Variants in CLN3 observed in about 807,000 individuals in gnomAD.
The protein encoded by CLN3 is battenin.
In CLN3, 49 loss-of-function variants were observed where a neutral mutation model predicts 60.7. That is an observed-to-expected ratio of 0.81 (90% confidence interval 0.64 to 1.02). The LOEUF is 1.02. Among genes scored for constraint, CLN3 ranks in the 50% least tolerant of loss-of-function variants. The pLI is 0.00. For missense variants in CLN3, 516 were observed against 557.4 expected, an observed-to-expected ratio of 0.93 and a Z score of 0.75; for synonymous variants, 256 against 245.8, an observed-to-expected ratio of 1.04 and a Z score of -0.39.
At chr16:28,486,680 ACAC>A in intron 7 of CLN3, 30 bp from the exon 8 acceptor site, 1 of 1,585,786 alleles carries the variant, frequency 6.3e-7, no homozygotes. Flanking sequence ...TGGGATGGTC[ACAC>A]CACACCTTGC....
At chr16:28,475,396 T>C (rs1442153907), downstream of CLN3, 1 of 152,298 alleles carries the variant, frequency 6.6e-6, no homozygotes, top group Non-Finnish European at 1.5e-5. Flanking sequence ...CATGATCTCA[T>C]GTAGTTTCCA....
At position 28,482,440 on chromosome 16, in the gene CLN3, C is replaced by T. The variant is rs777294509; in HGVS notation, c.906+37G>A. On this transcript the variant is annotated intron_variant, in intron 12 of 15. Coordinates refer to ENST00000636147, the MANE Select transcript of CLN3 (RefSeq NM_001042432.2). ...GGGCTGTGTGGGTCCCAGCCCCAAT[C>T]GCCACCTCCACACCCCTCCTAGCAC... 1.7e-5 allele frequency: 28 copies of T among 1,613,688 alleles called. 1 individual carries two copies. The highest frequency in any genetic ancestry group is 3.3e-4 in the Middle Eastern group (2 of 6,062).
intron 2 of CLN3, 61 bp downstream of exon 2, chr16:28,491,635 GCCGAGTCAGCTCTCATTC>G (rs1246696198): frequency 6.2e-7 from 1 of 1,613,662 alleles, no homozygotes; most frequent in East Asian, 2.2e-5. Context: ...TCCTCCCGGG[GCCGAGTCAGCTCTCATTC>G]CCCTCAGGTG....
chr16:28,486,942 G>A (rs185911781), intron 7 of CLN3: 2 of 449,840 alleles, frequency 4.4e-6, no homozygotes, highest in South Asian at 4.2e-5. Flanking sequence ...ACGGAGTCTC[G>A]CCCTGTCACC....
At chr16:28,491,670 G>C in intron 2 of CLN3, 44 bp downstream of exon 2, 2 of 1,614,070 alleles carry the variant, frequency 1.2e-6, no homozygotes, top group South Asian at 1.1e-5. Context: ...GGTGGGCTGC[G>C]AGCCAGAGGT....
rs1442410160 is a variant in CLN3 at position 28,490,458 on chromosome 16, ATT to A, written c.125+1022_125+1023del. On this transcript the variant is annotated intron_variant, in intron 3 of 15. Coordinates refer to ENST00000636147, the MANE Select transcript of CLN3 (RefSeq NM_001042432.2). ...GACTCTGTCTCAAAAATAAAATAAAATTAAAAAAAAAAAAAAAAAAAGCTGGG... is the reference window on the plus strand; with the variant it reads ...GACTCTGTCTCAAAAATAAAATAAAAAAAAAAAAAAAAAAAAAAAGCTGGG... The A allele has an allele frequency of 9.4e-4, 112 of 119,292 alleles. 1 individual carries two copies. Among genetic ancestry groups the A allele is most frequent in the Middle Eastern group, 4.5e-3 (1 of 224 alleles). 7.4% of individuals were successfully genotyped at this position (119,292 alleles called of 1,614,324 possible). A position where few individuals can be genotyped will look rare whatever the true frequency, so the allele number is the denominator to read the frequency against.
downstream of CLN3, among the ~76,000 whole-genome samples, chr16:28,473,628 C>CA (rs2045969349): frequency 6.6e-6 from 1 of 152,058 alleles, no homozygotes; most frequent in South Asian, 2.1e-4. Context: ...AAGACAATAT[C>CA]AAAAAAGTAA....
At position 28,480,006 on chromosome 16, in the gene CLN3, G is replaced by A. The variant is rs143671913; in HGVS notation, c.1056+2099C>T. On this transcript the variant is annotated intron_variant, in intron 14 of 15. Transcript: ENST00000636147. ...TTTTTTGAGATAGGGTCTCACCCAG[G>A]CTGGGGTACAGTGGCATGATTATGG... is the stretch of plus-strand genomic sequence containing the variant. 2.0e-3 allele frequency among the ~76,000 whole-genome samples: 309 copies of A among 152,124 alleles called. 1 individual carries two copies. The highest frequency in any genetic ancestry group is 6.9e-3 in the African/African-American group (287 of 41,512).
At chr16:28,468,730 C>A in the CLN3 span, among the ~76,000 whole-genome samples, 1 of 127,956 alleles carries the variant, frequency 7.8e-6, no homozygotes, top group African/African-American at 2.6e-5. Context: ...TCACTTGAAC[C>A]CAGGAGGCAG....
intron 6 of CLN3, 27 bp downstream of exon 6, chr16:28,487,635 C>T (rs2046243195): frequency 6.2e-7 from 1 of 1,608,114 alleles, no homozygotes; most frequent in Non-Finnish European, 8.5e-7. Context: ...TCCTGCCCAC[C>T]CTGCCTCCCA....
chr16:28,477,817 G>A lies in CLN3; in HGVS notation c.1117C>T (p.Leu373Phe), dbSNP rs752700529. The change falls in exon 15 of 16, where the codon CTC becomes TTC. Residue 373 changes from leucine (L) to phenylalanine (F), a missense_variant. By Grantham distance (22) the Leu-to-Phe change is conservative. Coordinates refer to ENST00000636147, the MANE Select transcript of CLN3 (RefSeq NM_001042432.2). ...VWFGFLPSIYLVFLIILYEGL... is the reference protein window; with the variant it reads ...VWFGFLPSIYFVFLIILYEGL... ...TCATACAGAATGATCAGGAAGACGA[G>A]GTAGATGCTTGGCAGAAAGCCGAAC... The A allele has an allele frequency of 9.3e-6, 15 of 1,614,186 alleles. No homozygotes were observed. The South Asian group carries it at 1.6e-4, about 18-fold the overall frequency.
chr16:28,481,014 A>G (rs2046080664), intron 14 of CLN3, among the ~76,000 whole-genome samples: 1 of 152,184 alleles, frequency 6.6e-6, no homozygotes, highest in African/African-American at 2.4e-5. Context: ...AGTTAGAAAC[A>G]TTATTTGAAA....
At chr16:28,487,565 A>G in intron 6 of CLN3, 24 bp from the exon 7 acceptor site, 2 of 1,605,052 alleles carry the variant, frequency 1.2e-6, no homozygotes, top group Non-Finnish European at 1.7e-6. Flanking sequence ...AAGGGAAGGG[A>G]GGGGGAAGGT....
At position 28,486,448 on chromosome 16, in the gene CLN3, C is replaced by T. The variant is rs566516380; in HGVS notation, c.576G>A (p.Gly192=). ...SWWSSGTGGA[G]LLGALSYLGL... ...CCAGGTAGGACAGGGCCCCCAGCAG[C>T]CCAGCTCCCCCAGTCCCTGAGGACC... The change falls in exon 9 of 16, where the codon GGG becomes GGA. Residue 192 remains glycine (G), a synonymous_variant. Transcript: ENST00000636147. 1.7e-5 allele frequency: 27 copies of T among 1,613,154 alleles called. 1 individual carries two copies. The highest frequency in any genetic ancestry group is 2.2e-5 in the Non-Finnish European group (26 of 1,179,802).
At position 28,487,718 on chromosome 16, in the gene CLN3, G is replaced by A. The variant is rs148248159; in HGVS notation, c.318C>T (p.Leu106=). 330 of 1,613,784 alleles carry A rather than the reference G, an allele frequency of 2.0e-4. 1 individual carries two copies. The African/African-American group carries it at 3.5e-3, about 17-fold the overall frequency. Residue 106 remains leucine (L), a synonymous_variant, in exon 6 of 16, where the codon CTC becomes CTT. Coordinates refer to ENST00000636147, the MANE Select transcript of CLN3 (RefSeq NM_001042432.2). Reference sequence around the variant, plus strand: ...CCAACAATTTGATGACGAGTGTGGGGAGGATGTCCGCCAGGAGCACAGCCT... The same window carrying A: ...CCAACAATTTGATGACGAGTGTGGGAAGGATGTCCGCCAGGAGCACAGCCT... The part of the protein sequence containing the change: ...STAAVLLADI[L]PTLVIKLLAP...
chr16:28,491,662 T>A (rs1225322827), intron 2 of CLN3, 52 bp downstream of exon 2: 2 of 1,613,808 alleles, frequency 1.2e-6, no homozygotes, highest in Admixed American at 1.7e-5. Flanking sequence ...TCCCCTCAGG[T>A]GGGCTGCGAG....
intron 7 of CLN3, 109 bp downstream of exon 7, chr16:28,487,347 G>A: frequency 1.1e-6 from 1 of 911,320 alleles, no homozygotes; most frequent in Non-Finnish European, 1.8e-6. Context: ...AGGCTTCTAA[G>A]GGTGACAGAA....
chr16:28,489,430 G>T, intron 3 of CLN3, 44 bp from the exon 4 acceptor site: 1 of 1,381,346 alleles, frequency 7.2e-7, no homozygotes, highest in Non-Finnish European at 1.0e-6. Flanking sequence ...TCATCCTGCA[G>T]CCATCTGTAG....
chr16:28,484,376 T>C, intron 9 of CLN3: 1 of 466,434 alleles, frequency 2.1e-6, no homozygotes, highest in Non-Finnish European at 3.9e-6. Flanking sequence ...AGAGACAGGG[T>C]CTTTCTCCAG....
Sources: gnomAD v4.1 joint callset for allele counts (sites outside exome capture counted in the v4.1 genomes callset) on GRCh38, gnomAD v4.1.1 for gene constraint, MANE v1.5 for transcripts, NCBI Gene and HGNC (gene_info 2026-07-23, HGNC 2026-07-21) for gene names.